KSR2: variants seen among roughly 807,000 people sequenced by gnomAD.
The protein encoded by KSR2 is kinase suppressor of ras 2.
Under a neutral mutation model 107.8 loss-of-function variants are expected in KSR2, and 25 were observed. The ratio of observed to expected loss-of-function variants is 0.23; its 90% CI spans 0.17 to 0.32. KSR2 has a LOEUF of 0.32. KSR2 is among the 10% of genes least tolerant of loss of function. KSR2 has a pLI of 1.00. For synonymous variants in KSR2, 480 were observed against 507.0 expected (o/e 0.95, Z 0.71); for missense variants, 887 against 1,268.9 (o/e 0.70, Z 4.57).
At chr12:117,585,336 A>C (rs1879923786) in intron 5 of KSR2, among the ~76,000 whole-genome samples, 1 of 152,168 alleles carries the variant, frequency 6.6e-6, no homozygotes, top group South Asian at 2.1e-4. Context: ...TATTATAAGC[A>C]CATCTCACTA....
intron 3 of KSR2, among the ~76,000 whole-genome samples, chr12:117,768,703 G>T (rs562862574): frequency 6.6e-6 from 1 of 152,284 alleles, no homozygotes; most frequent in South Asian, 2.1e-4. Flanking sequence ...GAGAGAGGTG[G>T]AGTGACTGTA....
chr12:117,946,350 A>C (rs1896177314), intron 1 of KSR2, among the ~76,000 whole-genome samples: 2 of 152,174 alleles, frequency 1.3e-5, no homozygotes, highest in African/African-American at 4.8e-5. Context: ...AACAAAGGAA[A>C]AAAGAGAGAA....
intron 1 of KSR2, among the ~76,000 whole-genome samples, chr12:117,906,683 T>C (rs61496571): frequency 0.018 from 2,731 of 152,146 alleles, 75 homozygotes; most frequent in African/African-American, 0.062. Context: ...CATGATTCTC[T>C]CATTGATTCC....
intron 5 of KSR2, among the ~76,000 whole-genome samples, chr12:117,604,435 TTGC>T (rs1465891549): frequency 2.0e-5 from 3 of 152,198 alleles, no homozygotes; most frequent in African/African-American, 7.2e-5. Context: ...AGGAGTGAAA[TTGC>T]TGTGTTGTAT....
intron 2 of KSR2, among the ~76,000 whole-genome samples, chr12:117,858,151 T>C (rs1196778809): frequency 6.6e-6 from 1 of 152,220 alleles, no homozygotes; most frequent in East Asian, 1.9e-4. Flanking sequence ...CCTGACATCA[T>C]ATTAACCAAA....
At position 117,594,146 on chromosome 12, in the gene KSR2, C is replaced by T. The variant is rs147610384; in HGVS notation, c.1172-11787G>A. On this transcript the variant is annotated intron_variant, in intron 5 of 19. Coordinates refer to ENST00000339824, the MANE Select transcript of KSR2 (RefSeq NM_173598.6). ...AAATATGATGTTTCTCATTATGTAG[C>T]CACTCTCTAGTTAATGTTCAGCGGA... Among the ~76,000 whole-genome samples, 7 of 152,282 alleles carry T rather than the reference C, an allele frequency of 4.6e-5. No individual in the cohort carries two copies. In the East Asian group the frequency reaches 1.4e-3, roughly 29 times the overall value.
chr12:117,521,936 C>A (rs532850343), intron 14 of KSR2, among the ~76,000 whole-genome samples: 24 of 152,172 alleles, frequency 1.6e-4, no homozygotes, highest in Non-Finnish European at 1.5e-4. Context: ...TGCACAGAGC[C>A]CCTCCCTAAG....
At chr12:117,686,785 T>C (rs1013067911) in intron 4 of KSR2, among the ~76,000 whole-genome samples, 1 of 152,204 alleles carries the variant, frequency 6.6e-6, no homozygotes, top group East Asian at 1.9e-4. Context: ...AGATGCTTCC[T>C]TTATCCTGGG....
chr12:117,519,795 T>TGC (rs1874627090), intron 14 of KSR2, among the ~76,000 whole-genome samples: 1 of 151,984 alleles, frequency 6.6e-6, no homozygotes, highest in Non-Finnish European at 1.5e-5. Flanking sequence ...TGTGTGTGTG[T>TGC]GCACGTGTGT....
chr12:117,934,768 C>T (rs959203082), intron 1 of KSR2, among the ~76,000 whole-genome samples: 2 of 152,174 alleles, frequency 1.3e-5, no homozygotes, highest in African/African-American at 4.8e-5. Flanking sequence ...AACCAAAATC[C>T]AACCATGGCT....
intron 7 of KSR2, among the ~76,000 whole-genome samples, chr12:117,563,715 G>A (rs987766626): frequency 6.6e-6 from 1 of 152,130 alleles, no homozygotes; most frequent in African/African-American, 2.4e-5. Flanking sequence ...AACATGGGCT[G>A]GCTAGAACAC....
At chr12:117,771,192 C>T (rs1355513466) in intron 3 of KSR2, among the ~76,000 whole-genome samples, 1 of 152,128 alleles carries the variant, frequency 6.6e-6, no homozygotes, top group Admixed American at 6.5e-5. Flanking sequence ...TTAGGACAAA[C>T]CTGCCTCCCA....
chr12:117,517,697 A>C (rs1936473550), intron 14 of KSR2: 1 of 387,510 alleles, frequency 2.6e-6, no homozygotes, highest in Non-Finnish European at 5.0e-6. Context: ...AGGCAGCCAC[A>C]GACAAAAAAC....
intron 4 of KSR2, among the ~76,000 whole-genome samples, chr12:117,674,707 T>C (rs1885051931): frequency 1.3e-5 from 2 of 152,330 alleles, no homozygotes; most frequent in Admixed American, 1.3e-4. Flanking sequence ...GGTTGAGTAA[T>C]TGGATCCCAC....
chr12:117,522,824 C>T (rs930439264), intron 14 of KSR2, among the ~76,000 whole-genome samples: 2 of 152,132 alleles, frequency 1.3e-5, no homozygotes, highest in Non-Finnish European at 2.9e-5. Flanking sequence ...ACTGACTATC[C>T]CCTTGTTGAC....
intron 14 of KSR2, among the ~76,000 whole-genome samples, chr12:117,522,566 T>C (rs1344737300): frequency 1.3e-5 from 2 of 152,156 alleles, no homozygotes; most frequent in African/African-American, 4.8e-5. Context: ...AGCCACAGAT[T>C]GTCCCCACCC....
intron 3 of KSR2, among the ~76,000 whole-genome samples, chr12:117,834,812 C>T (rs988553710): frequency 5.9e-5 from 9 of 152,240 alleles, no homozygotes; most frequent in African/African-American, 1.9e-4. Context: ...AGCTGGCTCA[C>T]AGAAACAGTA....
At chr12:117,565,172 C>G (rs1467258794) in intron 7 of KSR2, among the ~76,000 whole-genome samples, 1 of 152,222 alleles carries the variant, frequency 6.6e-6, no homozygotes, top group East Asian at 1.9e-4. Context: ...GAGGGACAGG[C>G]AAGACCCCTC....
intron 5 of KSR2, among the ~76,000 whole-genome samples, chr12:117,593,399 G>A (rs1170139217): frequency 6.6e-6 from 1 of 152,358 alleles, no homozygotes; most frequent in Non-Finnish European, 1.5e-5. Context: ...GGCAGGGGGA[G>A]ATGGGAGACA....
Sources: allele counts gnomAD v4.1 joint callset (sites outside exome capture counted in the v4.1 genomes callset), GRCh38; gene constraint gnomAD v4.1.1; transcripts MANE v1.5; gene names NCBI Gene and HGNC (gene_info 2026-07-23, HGNC 2026-07-21).